PARL: variants seen among roughly 807,000 people sequenced by gnomAD.
PARL encodes the protein presenilin associated rhomboid like.
In PARL, 44 loss-of-function variants were observed where a neutral mutation model predicts 51.6. That is an observed-to-expected ratio of 0.85 (90% CI 0.67 to 1.10). PARL has a LOEUF of 1.10. PARL is among the 50% of genes least tolerant of loss of function. The probability of loss-of-function intolerance (pLI) is 0.00; values close to 1 mark genes in which losing one functional copy is unlikely to be tolerated. For missense variants in PARL, 441 were observed against 469.5 expected, an observed-to-expected ratio of 0.94 and a Z score of 0.56; for synonymous variants, 172 against 164.0, an observed-to-expected ratio of 1.05 and a Z score of -0.37.
intron 1 of PARL, among the ~76,000 whole-genome samples, chr3:183,874,858 G>A (rs1417899923): frequency 6.6e-6 from 1 of 152,198 alleles, no homozygotes; most frequent in Admixed American, 6.5e-5. Context: ...GATCACTTGA[G>A]TTCAGGAGTT....
chr3:183,842,230 C>T, intron 6 of PARL, 68 bp downstream of exon 6: 1 of 1,441,398 alleles, frequency 6.9e-7, no homozygotes, highest in Non-Finnish European at 9.7e-7. Flanking sequence ...TAATCATTCC[C>T]TTTGTCCGTT....
intron 6 of PARL, 64 bp downstream of exon 6, chr3:183,842,234 G>C: frequency 6.9e-7 from 1 of 1,457,936 alleles, no homozygotes; most frequent in African/African-American, 1.4e-5. Context: ...CATTCCCTTT[G>C]TCCGTTCTGC....
chr3:183,843,005 C>T (rs1473179618), intron 5 of PARL, among the ~76,000 whole-genome samples: 1 of 151,116 alleles, frequency 6.6e-6, no homozygotes, highest in East Asian at 2.0e-4. Flanking sequence ...CCACCTCAGC[C>T]TCCTGAGTAG....
chr3:183,863,048 C>T (rs1732023133), intron 3 of PARL, among the ~76,000 whole-genome samples: 2 of 152,170 alleles, frequency 1.3e-5, no homozygotes, highest in South Asian at 4.1e-4. Flanking sequence ...TTCTAAACTT[C>T]AGTTTCTTGA....
intron 1 of PARL, among the ~76,000 whole-genome samples, chr3:183,883,289 C>A (rs147131399): frequency 6.6e-6 from 1 of 152,234 alleles, no homozygotes; most frequent in Non-Finnish European, 1.5e-5. Flanking sequence ...ATTTATTTTA[C>A]ATGGAGTCTC....
chr3:183,835,834 C>CA (rs1036631986), intron 7 of PARL, among the ~76,000 whole-genome samples: 4 of 150,802 alleles, frequency 2.7e-5, no homozygotes, highest in African/African-American at 7.3e-5. Flanking sequence ...CACTTTATCT[C>CA]AAAAAAACCC....
intron 1 of PARL, chr3:183,883,784 C>T (rs1160780351): frequency 1.5e-6 from 1 of 657,086 alleles, no homozygotes; most frequent in Non-Finnish European, 1.9e-6. Flanking sequence ...TTCCACTCCA[C>T]CCACCCCTCT....
intron 3 of PARL, among the ~76,000 whole-genome samples, chr3:183,864,367 T>C (rs1195217555): frequency 1.3e-5 from 2 of 151,966 alleles, no homozygotes; most frequent in Non-Finnish European, 2.9e-5. Context: ...CAACCTACTC[T>C]CCAGATTGGA....
chr3:183,865,826 G>A (rs186755681), intron 3 of PARL, among the ~76,000 whole-genome samples: 1 of 152,020 alleles, frequency 6.6e-6, no homozygotes, highest in East Asian at 1.9e-4. Context: ...AACTTTAGTA[G>A]AGCTGAGACA....
intron 4 of PARL, among the ~76,000 whole-genome samples, chr3:183,855,100 G>A (rs1577335191): frequency 6.6e-6 from 1 of 152,080 alleles, no homozygotes; most frequent in Non-Finnish European, 1.5e-5. Context: ...GAAGAGGAAA[G>A]TCCCTAGAGA....
At chr3:183,842,807 CAAAAA>C (rs370931513) in intron 5 of PARL, among the ~76,000 whole-genome samples, 3 of 54,092 alleles carry the variant, frequency 5.5e-5, no homozygotes, top group African/African-American at 7.6e-5. Context: ...GACTCTATCT[CAAAAA>C]AAAAAAAAAA....
chr3:183,839,899 AT>A (rs1729090893), intron 7 of PARL, among the ~76,000 whole-genome samples: 1 of 151,874 alleles, frequency 6.6e-6, no homozygotes. Context: ...CCCCCAGTTA[AT>A]TTTTTAAATT....
chr3:183,829,689 T>C lies in PARL; in HGVS notation c.1049A>G (p.His350Arg), dbSNP rs937960145. Residue 350 changes from histidine (H) to arginine (R), a missense_variant, in exon 10 of 10, where the codon CAT becomes CGT. His to Arg is a conservative substitution (Grantham distance 29). Transcript: ENST00000317096. ...LFGIWYVTYG[H>R]ELIWKNREPL... ...CTCCCTGTTCTTCCAAATCAGTTCA[T>C]GACCGTAAGTAACATACCATCTGGA... 3.1e-6 allele frequency: 5 copies of C among 1,614,066 alleles called. No homozygotes were observed. The highest frequency in any genetic ancestry group is 1.7e-5 in the Admixed American group (1 of 59,998).
At chr3:183,843,708 G>A (rs4912510) in intron 5 of PARL, among the ~76,000 whole-genome samples, 70,167 of 150,656 alleles carry the variant, frequency 0.47, 16,291 homozygotes, top group Middle Eastern at 0.57. Context: ...GCGGGCACCT[G>A]TAGTCCCAGC....
At chr3:183,877,701 G>C (rs1374954555) in intron 1 of PARL, among the ~76,000 whole-genome samples, 1 of 152,128 alleles carries the variant, frequency 6.6e-6, no homozygotes, top group Non-Finnish European at 1.5e-5. Context: ...TGCAGGCTCA[G>C]ATGATTATTA....
chr3:183,858,582 T>C (rs889750236), intron 4 of PARL, among the ~76,000 whole-genome samples: 1 of 152,160 alleles, frequency 6.6e-6, no homozygotes, highest in South Asian at 2.1e-4. Flanking sequence ...TGAATCTCAA[T>C]ACAGTAAAGT....
chr3:183,844,969 A>ATTAAC (rs1421788814), intron 4 of PARL, among the ~76,000 whole-genome samples: 1 of 152,262 alleles, frequency 6.6e-6, no homozygotes, highest in Non-Finnish European at 1.5e-5. Context: ...CGATAATATA[A>ATTAAC]TTAACTTGTT....
At chr3:183,851,083 C>G (rs901896771) in intron 4 of PARL, among the ~76,000 whole-genome samples, 3 of 152,186 alleles carry the variant, frequency 2.0e-5, no homozygotes, top group African/African-American at 7.2e-5. Context: ...GGTGCTCAGA[C>G]AAGTGGATAG....
intron 7 of PARL, 93 bp downstream of exon 7, chr3:183,840,477 C>G: frequency 1.5e-6 from 1 of 668,544 alleles, no homozygotes; most frequent in Non-Finnish European, 2.6e-6. Context: ...ATGAGAACCT[C>G]TTATCAATTT....
Sources: allele counts gnomAD v4.1 joint callset (sites outside exome capture counted in the v4.1 genomes callset), GRCh38; gene constraint gnomAD v4.1.1; transcripts MANE v1.5; gene names NCBI Gene and HGNC (gene_info 2026-07-23, HGNC 2026-07-21).